Variants in WWOX observed in about 807,000 individuals in gnomAD.
The protein encoded by WWOX is WW domain-containing oxidoreductase.
WWOX carries 69 observed loss-of-function variants against 46.2 expected under a neutral mutation model. The ratio of observed to expected loss-of-function variants is 1.49; its 90% CI spans 1.23 to 1.82. The LOEUF is 1.82. WWOX is among the 40% of genes most tolerant of loss of function. The pLI is 0.00. For synonymous variants in WWOX, 359 were observed against 202.6 expected (o/e 1.77, Z -6.56); for missense variants, 919 against 542.6 (o/e 1.69, Z -6.89).
intron 8 of WWOX, among the ~76,000 whole-genome samples, chr16:78,593,207 A>AT (rs35803353): frequency 0.49 from 73,676 of 150,162 alleles, 20,748 homozygotes; most frequent in Non-Finnish European, 0.62. Flanking sequence ...CTTGATCCTG[A>AT]TTTTTTTTTT....
chr16:78,854,653 T>C (rs1018464207), intron 8 of WWOX, among the ~76,000 whole-genome samples: 1 of 152,250 alleles, frequency 6.6e-6, no homozygotes, highest in Non-Finnish European at 1.5e-5. Flanking sequence ...CGATCTCAGC[T>C]GACTGCAACC....
chr16:78,450,189 A>C lies in WWOX; in HGVS notation c.1056+17437A>C, dbSNP rs145061055. Among the ~76,000 whole-genome samples the C allele has an allele frequency of 2.5e-3, 387 of 152,318 alleles. 12 individuals carry two copies. The highest frequency in any genetic ancestry group is 0.023 in the Admixed American group (355 of 15,298). On this transcript the variant is annotated intron_variant, in intron 8 of 8. Transcript: ENST00000566780. ...ATTCAAATTTCCCCTATGAAATATC[A>C]AGCTCTTTTTATGCTTCTTCACATG...
chr16:78,242,384 A>T (rs2037681320), intron 5 of WWOX, among the ~76,000 whole-genome samples: 1 of 152,190 alleles, frequency 6.6e-6, no homozygotes, highest in South Asian at 2.1e-4. Context: ...TCTTTGGCAA[A>T]CATTAACACA....
intron 8 of WWOX, among the ~76,000 whole-genome samples, chr16:78,751,392 C>T (rs2049471978): frequency 6.8e-6 from 1 of 146,290 alleles, no homozygotes; most frequent in Non-Finnish European, 1.5e-5. Flanking sequence ...TGTCCTGCAA[C>T]ATAACTGTAA....
In WWOX at chr16:78,907,465, C is replaced by T. The variant is rs554583353; in HGVS notation, c.1057-304143C>T. On this transcript the variant is annotated intron_variant, in intron 8 of 8. Coordinates refer to ENST00000566780, the MANE Select transcript of WWOX (RefSeq NM_016373.4). ...CCTGTCCTCCTCCTAACTTGGTGGT[C>T]TTTTGCTAGCTTTACAAAGGCAGTT... is the stretch of plus-strand genomic sequence containing the variant. Among the ~76,000 whole-genome samples the T allele has an allele frequency of 2.6e-5, 4 of 152,276 alleles. No homozygotes were observed. In the East Asian group the frequency reaches 7.7e-4, roughly 29 times the overall value.
chr16:78,277,444 A>G (rs2079598871), intron 5 of WWOX, among the ~76,000 whole-genome samples: 1 of 152,168 alleles, frequency 6.6e-6, no homozygotes, highest in South Asian at 2.1e-4. Context: ...TCCGGATTCC[A>G]GGGAGTTCTC....
At chr16:78,669,465 G>T (rs1308924695) in intron 8 of WWOX, among the ~76,000 whole-genome samples, 1 of 152,190 alleles carries the variant, frequency 6.6e-6, no homozygotes, top group Non-Finnish European at 1.5e-5. Flanking sequence ...AGGAAGAAGT[G>T]CTACTGTCAT....
At chr16:78,123,976 T>C (rs2033246220) in intron 4 of WWOX, 1 of 152,182 alleles carries the variant, frequency 6.6e-6, no homozygotes, top group Non-Finnish European at 1.5e-5. Flanking sequence ...GTTCTCCATG[T>C]ACAATCTTAG....
chr16:78,265,266 A>G (rs1055421334), intron 5 of WWOX, among the ~76,000 whole-genome samples: 4 of 152,046 alleles, frequency 2.6e-5, no homozygotes, highest in African/African-American at 9.7e-5. Flanking sequence ...AAATGCTGGA[A>G]TTACAGGCAT....
intron 3 of WWOX, among the ~76,000 whole-genome samples, chr16:78,113,693 G>A (rs933528384): frequency 1.2e-4 from 19 of 152,190 alleles, no homozygotes; most frequent in Middle Eastern, 3.2e-3. Flanking sequence ...CTGATTTCAT[G>A]CTGCCAAGGT....
At chr16:78,590,020 G>T (rs893101627) in intron 8 of WWOX, among the ~76,000 whole-genome samples, 2 of 152,036 alleles carry the variant, frequency 1.3e-5, no homozygotes. Flanking sequence ...TGCTTCTTAC[G>T]TGTCACGCAC....
intron 8 of WWOX, among the ~76,000 whole-genome samples, chr16:78,458,328 A>G (rs1451377750): frequency 2.7e-5 from 4 of 148,742 alleles, no homozygotes; most frequent in Admixed American, 6.9e-5. Context: ...TGGCGTGATC[A>G]CAGCTCACTG....
chr16:78,500,459 T>C (rs890675758), intron 8 of WWOX, among the ~76,000 whole-genome samples: 1 of 151,006 alleles, frequency 6.6e-6, no homozygotes, highest in Admixed American at 6.6e-5. Context: ...CTTTTGTTTG[T>C]TTTTTTTTAG....
intron 8 of WWOX, among the ~76,000 whole-genome samples, chr16:78,459,912 C>T (rs1020143055): frequency 1.3e-5 from 2 of 151,720 alleles, no homozygotes; most frequent in Non-Finnish European, 2.9e-5. Context: ...TCAGGTGATC[C>T]TCCCACCTCA....
intron 8 of WWOX, among the ~76,000 whole-genome samples, chr16:79,188,444 T>A (rs1246731528): frequency 6.6e-6 from 1 of 152,226 alleles, no homozygotes; most frequent in African/African-American, 2.4e-5. Context: ...TTCACGGATT[T>A]CCAAAATTTC....
intron 8 of WWOX, among the ~76,000 whole-genome samples, chr16:79,198,638 G>C (rs1490074535): frequency 6.6e-6 from 1 of 152,170 alleles, no homozygotes; most frequent in Non-Finnish European, 1.5e-5. Context: ...GTAGCAGTGG[G>C]GTCAAGGGCA....
chr16:78,132,048 A>G (rs1346538620), intron 4 of WWOX, among the ~76,000 whole-genome samples: 29 of 128,172 alleles, frequency 2.3e-4, no homozygotes, highest in South Asian at 7.6e-4. Flanking sequence ...TTTTTGAGAC[A>G]GAGTCTCACT....
chr16:78,456,537 T>C (rs556028029), intron 8 of WWOX, among the ~76,000 whole-genome samples: 8 of 152,338 alleles, frequency 5.3e-5, no homozygotes, highest in Middle Eastern at 3.4e-3. Context: ...GGATACCTGA[T>C]AGAGCTAATA....
chr16:79,119,190 T>TAA (rs10545268), intron 8 of WWOX, among the ~76,000 whole-genome samples: 48 of 148,406 alleles, frequency 3.2e-4, no homozygotes, highest in Non-Finnish European at 5.2e-4. Flanking sequence ...GAGTGCTCAT[T>TAA]AAAAAAAAAA....
Sources: gnomAD v4.1 joint callset for allele counts (sites outside exome capture counted in the v4.1 genomes callset) on GRCh38, gnomAD v4.1.1 for gene constraint, MANE v1.5 for transcripts, NCBI Gene and HGNC (gene_info 2026-07-23, HGNC 2026-07-21) for gene names.